Variants in CFAP52 observed in about 807,000 individuals in gnomAD.
CFAP52 encodes the protein cilia- and flagella-associated protein 52.
Under a neutral mutation model 70.5 loss-of-function variants are expected in CFAP52, and 57 were observed. The ratio of observed to expected loss-of-function variants is 0.81; its 90% confidence interval spans 0.65 to 1.01. The LOEUF is 1.01. CFAP52 is among the 50% of genes least tolerant of loss of function. The pLI, the probability that CFAP52 is intolerant of heterozygous loss-of-function variation, is 0.00. For missense variants in CFAP52, 785 were observed against 788.5 expected, an observed-to-expected ratio of 1.00 and a Z score of 0.05; for synonymous variants, 267 against 292.5, an observed-to-expected ratio of 0.91 and a Z score of 0.89.
intron 10 of CFAP52, 122 bp downstream of exon 10, chr17:9,633,155 A>G (rs1910629945): frequency 8.6e-7 from 1 of 1,168,984 alleles, no homozygotes; most frequent in Non-Finnish European, 1.2e-6. Context: ...CCAAATTGAC[A>G]TTTTGATGAG....
rs531861217 is a variant in CFAP52, at chr17:9,625,574, A to G, written c.1026-3098A>G. On this transcript the variant is annotated intron_variant, in intron 8 of 13. Coordinates refer to ENST00000352665, the MANE Select transcript of CFAP52 (RefSeq NM_145054.5). ...TTTCTAGCCCTCAACTCTGATCTCT[A>G]GCATTGTTAGCTGGTAACGCTATGG... Among the ~76,000 whole-genome samples, 65 of 150,612 alleles carry G rather than the reference A, an allele frequency of 4.3e-4. 2 individuals carry two copies. The highest frequency in any genetic ancestry group is 2.6e-4 in the Admixed American group (4 of 15,134).
intron 10 of CFAP52, 110 bp from the exon 11 acceptor site, chr17:9,635,295 T>TA (rs113018738): frequency 4.7e-6 from 7 of 1,476,620 alleles, no homozygotes; most frequent in Admixed American, 4.3e-5. Context: ...GACAGGGAAT[T>TA]AAAAAAACAC....
chr17:9,645,386 C>T, downstream of CFAP52: 1 of 266,434 alleles, frequency 3.8e-6, no homozygotes, highest in Non-Finnish European at 6.9e-6. The surrounding 1 kb of genome is among the most constrained non-coding windows in gnomAD (Gnocchi z 6.8). Context: ...TCCCAGTCAG[C>T]GCAGCGGGGG....
At chr17:9,622,980 G>C (rs1910106421) in intron 8 of CFAP52, among the ~76,000 whole-genome samples, 1 of 152,054 alleles carries the variant, frequency 6.6e-6, no homozygotes, top group Non-Finnish European at 1.5e-5. Flanking sequence ...TGTAGTTAGT[G>C]TCATACAGAT....
chr17:9,578,655 C>T (rs1399879504), intron 1 of CFAP52, among the ~76,000 whole-genome samples: 1 of 152,220 alleles, frequency 6.6e-6, no homozygotes, highest in East Asian at 1.9e-4. Context: ...AAGCTATTCT[C>T]CTGCCTCAGC....
At chr17:9,627,856 G>C (rs1343808174) in intron 8 of CFAP52, among the ~76,000 whole-genome samples, 3 of 152,034 alleles carry the variant, frequency 2.0e-5, no homozygotes, top group Non-Finnish European at 2.9e-5. Context: ...AAGAAGCCAG[G>C]ACCACAGGCA....
intron 1 of CFAP52, among the ~76,000 whole-genome samples, chr17:9,578,078 C>T (rs1447727367): frequency 2.6e-5 from 4 of 152,176 alleles, no homozygotes; most frequent in South Asian, 4.2e-4. Flanking sequence ...GGGGACAGAG[C>T]GAGACTCCGT....
At chr17:9,630,748 G>T (rs1956810879) in intron 9 of CFAP52, among the ~76,000 whole-genome samples, 1 of 150,976 alleles carries the variant, frequency 6.6e-6, no homozygotes, top group African/African-American at 2.4e-5. Flanking sequence ...GTAATTTTTT[G>T]AGTAGAGATG....
Position 9,600,011 on chromosome 17 carries a change from T to G in CFAP52, c.637-56T>G, listed in dbSNP as rs550314385. On this transcript the variant is annotated intron_variant, in intron 5 of 13. Coordinates refer to ENST00000352665, the MANE Select transcript of CFAP52 (RefSeq NM_145054.5). ...CCGCCTCGGCCTCCCAAAGTGCTGATATTACAGGCGTGAGCCACCGAGGCT... is the reference window on the plus strand; with the variant it reads ...CCGCCTCGGCCTCCCAAAGTGCTGAGATTACAGGCGTGAGCCACCGAGGCT... 8.1e-6 allele frequency: 12 copies of G among 1,487,086 alleles called. No homozygotes were observed. In the African/African-American group the frequency reaches 1.2e-4, roughly 15 times the overall value. The allele number at this position is 1,487,086 out of a possible 1,614,324, so 92.1% of individuals were successfully genotyped here. A position where few individuals can be genotyped will look rare whatever the true frequency, so the allele number is the denominator to read the frequency against.
intron 12 of CFAP52, chr17:9,638,976 A>T: frequency 2.1e-6 from 1 of 470,214 alleles, no homozygotes; most frequent in Non-Finnish European, 3.9e-6. Context: ...GGGGTCTGGC[A>T]CATAGTAGGT....
chr17:9,589,732 C>CA (rs33978485), intron 3 of CFAP52, among the ~76,000 whole-genome samples: 7 of 127,492 alleles, frequency 5.5e-5, no homozygotes, highest in African/African-American at 1.9e-4. Flanking sequence ...GACTCCGTCT[C>CA]AAAAAAAAAA....
At chr17:9,601,585 G>T (rs1037009978) in intron 6 of CFAP52, among the ~76,000 whole-genome samples, 1 of 152,022 alleles carries the variant, frequency 6.6e-6, no homozygotes. Context: ...TTACTAACTA[G>T]ATCTTAGATT....
intron 9 of CFAP52, 95 bp downstream of exon 9, chr17:9,628,915 C>A: frequency 6.5e-7 from 1 of 1,540,442 alleles, no homozygotes. Context: ...TGTGGATAAC[C>A]TAGAACAGCC....
Position 9,628,773 on chromosome 17 carries a change from C to T in CFAP52, c.1127C>T (p.Thr376Ile), listed in dbSNP as rs1332041599. Residue 376 changes from threonine to isoleucine, a missense_variant, in exon 9 of 14, where the codon ACC (threonine) becomes ATC (isoleucine). Physicochemically the swap from Thr to Ile is moderately conservative, Grantham distance 89 (BLOSUM62 -1). Coordinates refer to ENST00000352665, the MANE Select transcript of CFAP52 (RefSeq NM_145054.5). ...CTGCGGATCACCGTGCCCAACATGA[C>T]CTGCCACGGCATCGACTTCATGAGG... ...ELLRITVPNM[T>I]CHGIDFMRDG... The T allele has an allele frequency of 1.9e-6, 3 of 1,614,050 alleles. No homozygotes were observed. Among genetic ancestry groups the T allele is most frequent in the African/African-American group, 2.7e-5 (2 of 74,916 alleles).
intron 1 of CFAP52, among the ~76,000 whole-genome samples, chr17:9,582,244 G>A (rs760916169): frequency 1.3e-5 from 2 of 152,288 alleles, no homozygotes; most frequent in South Asian, 2.1e-4. Context: ...TTTCCAAAAC[G>A]ATTAGACCGA....
In CFAP52 at chr17:9,615,271, T is replaced by C. The variant is rs117742036; in HGVS notation, c.1025+2792T>C. Among the ~76,000 whole-genome samples, 27 of 152,354 alleles carry C rather than the reference T, an allele frequency of 1.8e-4. 1 individual carries two copies. The East Asian group carries it at 5.0e-3, about 28-fold the overall frequency. ...ATGAACCAATGAAACTTGTGTAATATTCTGTTAGGTTGGTGCAAAAATAAT... is the reference window on the plus strand; with the variant it reads ...ATGAACCAATGAAACTTGTGTAATACTCTGTTAGGTTGGTGCAAAAATAAT... On this transcript the variant is annotated intron_variant, in intron 8 of 13. Transcript: ENST00000352665.
intron 8 of CFAP52, among the ~76,000 whole-genome samples, chr17:9,626,537 T>G (rs1394800240): frequency 6.6e-6 from 1 of 152,204 alleles, no homozygotes; most frequent in Non-Finnish European, 1.5e-5. Context: ...ACCTGGAAAG[T>G]TCTTCGGGGG....
At chr17:9,607,478 G>A (rs1448796412) in intron 6 of CFAP52, among the ~76,000 whole-genome samples, 1 of 152,176 alleles carries the variant, frequency 6.6e-6, no homozygotes, top group Non-Finnish European at 1.5e-5. Flanking sequence ...TGGAGAGAAT[G>A]GTGGGGGGCA....
intron 10 of CFAP52, among the ~76,000 whole-genome samples, 159 bp from the exon 11 acceptor site, chr17:9,635,246 C>T (rs1031600002): frequency 6.6e-6 from 1 of 152,066 alleles, no homozygotes; most frequent in East Asian, 1.9e-4. Context: ...TATGCCTGCC[C>T]TTCAACTTAG....
Sources: gnomAD v4.1 joint callset for allele counts (sites outside exome capture counted in the v4.1 genomes callset) on GRCh38, gnomAD v4.1.1 for gene constraint, Gnocchi (gnomAD v3.1) non-coding constraint, MANE v1.5 for transcripts, NCBI Gene and HGNC (gene_info 2026-07-23, HGNC 2026-07-21) for gene names.